The following COL6A1 variants were observed in gnomAD, a reference collection of about 807,000 sequenced individuals.
The protein encoded by COL6A1 is collagen type VI alpha 1 chain.
COL6A1 carries 80 observed loss-of-function variants against 145.6 expected under a neutral mutation model. The observed-to-expected ratio is 0.55, with a 90% confidence interval of 0.46 to 0.66. COL6A1 has a LOEUF of 0.66. Ranked by LOEUF, COL6A1 falls within the 30% of genes least tolerant of loss-of-function variation. The pLI is 0.00. For missense variants in COL6A1, 1,364 were observed against 1,473.8 expected (o/e 0.93, Z 1.22); for synonymous variants, 638 against 622.8 (o/e 1.02, Z -0.36).
At chr21:45,998,096 G>A (rs776303794) in intron 22 of COL6A1, 25 bp from the exon 23 acceptor site, 29 of 1,611,158 alleles carry the variant, frequency 1.8e-5, no homozygotes, top group East Asian at 1.6e-4. Flanking sequence ...CGATTCGCAC[G>A]GTGACGGCTA....
At chr21:45,992,943 C>A (rs2077785279) in intron 19 of COL6A1, 133 bp downstream of exon 19, 4 of 775,540 alleles carry the variant, frequency 5.2e-6, no homozygotes, top group Non-Finnish European at 8.5e-6. Flanking sequence ...AGCCCATCCC[C>A]ACGCCGTCAG....
chr21:45,984,235 C>T, intron 2 of COL6A1, 34 bp from the exon 3 acceptor site: 1 of 1,575,224 alleles, frequency 6.3e-7, no homozygotes, highest in South Asian at 1.2e-5. Context: ...CCAGGGGCCG[C>T]CCGCCTCACG....
At chr21:45,998,766 A>C in intron 24 of COL6A1, 131 bp from the exon 25 acceptor site, 1 of 1,198,932 alleles carries the variant, frequency 8.3e-7, no homozygotes. Context: ...TCTCCAGCCC[A>C]GGAAATGTGT....
intron 3 of COL6A1, among the ~76,000 whole-genome samples, chr21:45,986,068 G>A (rs536065811): frequency 6.6e-6 from 1 of 152,324 alleles, no homozygotes; most frequent in South Asian, 2.1e-4. Context: ...TCCCTTTCGG[G>A]GGGTTGGATT....
chr21:45,998,492 A>G, intron 24 of COL6A1, 59 bp downstream of exon 24: 4 of 1,608,838 alleles, frequency 2.5e-6, no homozygotes, highest in Non-Finnish European at 3.4e-6. Flanking sequence ...AGTCACAGGG[A>G]CACGCACGTG....
At chr21:45,986,866 C>T in intron 4 of COL6A1, 78 bp from the exon 5 acceptor site, 3 of 1,532,464 alleles carry the variant, frequency 2.0e-6, no homozygotes, top group Non-Finnish European at 2.6e-6. Flanking sequence ...GCCCAGCCTC[C>T]CCTCTGGCCC....
Position 45,992,054 on chromosome 21 carries a change from G to A in COL6A1, c.1164G>A (p.Ser388=), listed in dbSNP as rs756085848. The A allele has an allele frequency of 7.5e-6, 12 of 1,610,470 alleles. No homozygotes were observed. Among genetic ancestry groups the A allele is most frequent in the Admixed American group, 3.4e-5 (2 of 59,644 alleles). The change falls in exon 16 of 35, where the codon TCG becomes TCA. Residue 388 remains serine, a synonymous_variant. Coordinates refer to ENST00000361866, the MANE Select transcript of COL6A1 (RefSeq NM_001848.3). ...GGGAGGCGGGGAGACCAGGGAGCTC[G>A]GGACCATCTGGAGACGAGGTGAGGA... ...ADGEAGRPGS[S]GPSGDEGQPG...
chr21:45,984,244 C>T (rs753316327), intron 2 of COL6A1, 25 bp from the exon 3 acceptor site: 24 of 1,584,366 alleles, frequency 1.5e-5, no homozygotes, highest in Middle Eastern at 1.7e-4. Flanking sequence ...GCCCGCCTCA[C>T]GCCCGCCGTG....
chr21:46,001,950 C>G lies in COL6A1; in HGVS notation c.1957-11C>G. The G allele has an allele frequency of 6.2e-7, 1 of 1,609,712 alleles. No homozygotes were observed. On this transcript the variant is annotated splice_polypyrimidine_tract_variant and intron_variant, in intron 30 of 34. Transcript: ENST00000361866. The stretch of plus-strand genomic sequence containing the variant: ...AGCACTCGCGTCCTGACCCCGGTGC[C>G]GGTCCCACAGTTCGAGCCAGGGCAG...
chr21:45,989,043 G>A (rs1460723011), intron 8 of COL6A1, 41 bp from the exon 9 acceptor site: 1 of 1,601,652 alleles, frequency 6.2e-7, no homozygotes. Flanking sequence ...TTTTTAGAAA[G>A]AAACGGGGCT....
At position 45,984,295 on chromosome 21, in the gene COL6A1, T is replaced by C. The variant is rs1166401780; in HGVS notation, c.254T>C (p.Val85Ala). The C allele has an allele frequency of 1.2e-6, 2 of 1,610,230 alleles. No individual in the cohort carries two copies. Among genetic ancestry groups the C allele is most frequent in the African/African-American group, 2.7e-5 (2 of 74,850 alleles). ...TACTACCGCTGTGACCGAAACCTGG[T>C]GTGGAACGCAGGCGCGCTGCACTAC... ...DRYYRCDRNL[V>A]WNAGALHYSD... The change falls in exon 3 of 35, where the codon GTG becomes GCG. Residue 85 changes from valine (V) to alanine (A), a missense_variant. Coordinates refer to ENST00000361866, the MANE Select transcript of COL6A1 (RefSeq NM_001848.3).
In COL6A1 at chr21:45,992,388, C is replaced by T. The variant is rs763017537; in HGVS notation, c.1262C>T (p.Pro421Leu). Residue 421 changes from proline (P) to leucine (L), a missense_variant, in exon 18 of 35, where the codon CCC becomes CTC. By Grantham distance (98) the Pro-to-Leu change is moderately conservative. Around this residue, in one of 3 missense-constraint regions of COL6A1, gnomAD observed 938 missense variants for 1,003.8 expected, o/e 0.93. Transcript: ENST00000361866. ...GGGAACCCAGGACCTGACGGTGCCC[C>T]CGGGGAGCGGGTGAGTGGGGCAGGG... ...DEGNPGPDGA[P>L]GERGGPGERG... is the part of the protein sequence containing the mutation. The T allele has an allele frequency of 3.1e-6, 5 of 1,613,260 alleles. No individual in the cohort carries two copies. The highest frequency in any genetic ancestry group is 1.3e-5 in the African/African-American group (1 of 74,924).
intron 19 of COL6A1, among the ~76,000 whole-genome samples, 158 bp downstream of exon 19, chr21:45,992,968 G>C (rs993512467): frequency 2.6e-5 from 4 of 152,242 alleles, no homozygotes; most frequent in African/African-American, 7.2e-5. Flanking sequence ...GGCAGCCCCT[G>C]AAGCCGGCGC....
At chr21:45,990,659 G>T in intron 13 of COL6A1, 114 bp from the exon 14 acceptor site, 1 of 981,140 alleles carries the variant, frequency 1.0e-6, no homozygotes. Context: ...TGTCTGCTAG[G>T]CAGGGCTTTC....
At position 46,004,114 on chromosome 21, in the gene COL6A1, C is replaced by T. The variant is rs1011837210; in HGVS notation, c.*101C>T. On this transcript the variant is annotated 3_prime_UTR_variant, in exon 35 of 35. Transcript: ENST00000361866. The stretch of plus-strand genomic sequence containing the variant: ...GCGAATTTTCCCGACCAACCTGATT[C>T]GCTAGATTTTTTTTAAGGAAAAGCT... 4.1e-5 allele frequency: 61 copies of T among 1,494,738 alleles called. 1 individual carries two copies. The highest frequency in any genetic ancestry group is 1.2e-4 in the South Asian group (10 of 85,966). The allele number at this position is 1,494,738 out of a possible 1,614,324, so 92.6% of individuals were successfully genotyped here.
intron 1 of COL6A1, 84 bp downstream of exon 1, chr21:45,982,031 G>T (rs2077710114): frequency 9.1e-7 from 1 of 1,103,604 alleles, no homozygotes; most frequent in Non-Finnish European, 1.3e-6. Flanking sequence ...CCCCTCCCAC[G>T]CGTGGAACTG....
chr21:45,988,990 G>C (rs1156941076), intron 8 of COL6A1, 94 bp from the exon 9 acceptor site: 6 of 1,468,390 alleles, frequency 4.1e-6, no homozygotes, highest in Non-Finnish European at 5.6e-6. Flanking sequence ...ATCCCTGAAG[G>C]CTGGATGAAG....
At chr21:45,987,589 A>G (rs1198237946) in intron 7 of COL6A1, 21 bp from the exon 8 acceptor site, 1 of 1,612,424 alleles carries the variant, frequency 6.2e-7, no homozygotes, top group South Asian at 1.1e-5. Flanking sequence ...GTCCTGGCTG[A>G]CCGTCCCCTC....
intron 6 of COL6A1, 119 bp from the exon 7 acceptor site, chr21:45,987,380 C>T (rs548634821): frequency 3.1e-5 from 47 of 1,512,312 alleles, no homozygotes; most frequent in East Asian, 2.0e-4. Context: ...GACATGTGTC[C>T]GCCTGTGCGT....
Sources: allele counts gnomAD v4.1 joint callset (sites outside exome capture counted in the v4.1 genomes callset), GRCh38; gene constraint gnomAD v4.1.1; regional missense constraint gnomAD v4.1.1; transcripts MANE v1.5; gene names NCBI Gene and HGNC (gene_info 2026-07-23, HGNC 2026-07-21).